BLOC1S2: variants seen among roughly 807,000 people sequenced by gnomAD.
BLOC1S2 encodes the protein biogenesis of lysosome-related organelles complex 1 subunit 2.
In BLOC1S2, 12 loss-of-function variants were observed where a neutral mutation model predicts 19.6. That is an observed-to-expected ratio of 0.61 (90% CI 0.39 to 0.99). BLOC1S2 has a LOEUF of 0.99. Among genes scored for constraint, BLOC1S2 ranks in the 50% least tolerant of loss-of-function variants. The probability of loss-of-function intolerance (pLI) is 0.00; values close to 1 mark genes in which losing one functional copy is unlikely to be tolerated. For missense variants in BLOC1S2, 142 were observed against 171.0 expected (o/e 0.83, Z 0.95); for synonymous variants, 66 against 64.1 (o/e 1.03, Z -0.14).
intron 2 of BLOC1S2, among the ~76,000 whole-genome samples, chr10:100,285,450 C>G (rs1848210819): frequency 6.6e-6 from 1 of 152,116 alleles, no homozygotes; most frequent in Non-Finnish European, 1.5e-5. Context: ...TTAGTGGAGA[C>G]AGGATTTCGC....
chr10:100,280,256 T>C, intron 3 of BLOC1S2, 28 bp from the exon 4 acceptor site: 1 of 1,543,884 alleles, frequency 6.5e-7, no homozygotes, highest in Admixed American at 1.8e-5. Flanking sequence ...AACTTCATGT[T>C]TATATGGCTT....
intron 2 of BLOC1S2, among the ~76,000 whole-genome samples, chr10:100,284,463 C>A (rs1200710421): frequency 6.6e-6 from 1 of 152,090 alleles, no homozygotes; most frequent in African/African-American, 2.4e-5. Context: ...TCACTTGAGG[C>A]CAGCTTGGGC....
chr10:100,284,870 G>A (rs1365762198), intron 2 of BLOC1S2, among the ~76,000 whole-genome samples: 9 of 151,348 alleles, frequency 5.9e-5, no homozygotes, highest in Non-Finnish European at 1.5e-5. Flanking sequence ...GAATGGAAAG[G>A]AGAGCATGGG....
chr10:100,277,020 GC>G (rs1259629352), intron 4 of BLOC1S2, among the ~76,000 whole-genome samples: 7 of 150,458 alleles, frequency 4.7e-5, no homozygotes, highest in Admixed American at 6.6e-5. Flanking sequence ...AAAGTGAGGA[GC>G]GTCTCTGCCC....
rs922645273 is a variant in BLOC1S2 at position 100,273,365 on chromosome 10, C to T, written c.*2097G>A. Reference sequence around the variant, plus strand: ...AATTATCACTTGTACTCTGAAAATACATACATCTATTACACATCAATAAAA... The same window carrying T: ...AATTATCACTTGTACTCTGAAAATATATACATCTATTACACATCAATAAAA... On this transcript the variant is annotated 3_prime_UTR_variant, in exon 5 of 5. Transcript: ENST00000370372. 1.3e-5 allele frequency: 2 copies of T among 152,098 alleles called. No homozygotes were observed. The highest frequency in any genetic ancestry group is 4.8e-5 in the African/African-American group (2 of 41,412). 9.4% of individuals were successfully genotyped at this position (152,098 alleles called of 1,614,324 possible). A position where few individuals can be genotyped will look rare whatever the true frequency, so the allele number is the denominator to read the frequency against.
intron 3 of BLOC1S2, 34 bp from the exon 4 acceptor site, chr10:100,280,262 G>C: frequency 6.6e-7 from 1 of 1,524,220 alleles, no homozygotes; most frequent in Non-Finnish European, 9.0e-7. Flanking sequence ...ATGTTTATAT[G>C]GCTTTATTAA....
At chr10:100,276,869 C>A (rs1232129903) in intron 4 of BLOC1S2, among the ~76,000 whole-genome samples, 4 of 152,172 alleles carry the variant, frequency 2.6e-5, no homozygotes, top group African/African-American at 9.7e-5. Context: ...CACCTCCCAG[C>A]CGCCTGCCTT....
chr10:100,275,868 T>C (rs1847836121), intron 4 of BLOC1S2, among the ~76,000 whole-genome samples: 1 of 152,204 alleles, frequency 6.6e-6, no homozygotes. Flanking sequence ...CCTCAGGAAG[T>C]ATAAATGTAT....
At chr10:100,279,135 C>T (rs949094215) in intron 4 of BLOC1S2, among the ~76,000 whole-genome samples, 5 of 151,998 alleles carry the variant, frequency 3.3e-5, no homozygotes, top group Non-Finnish European at 7.4e-5. Context: ...CCACTAAATT[C>T]TTTACTTTTA....
At chr10:100,285,974 A>G in intron 2 of BLOC1S2, 123 bp downstream of exon 2, 1 of 1,348,926 alleles carries the variant, frequency 7.4e-7, no homozygotes, top group Admixed American at 2.4e-5. Context: ...GGCCTCCCCC[A>G]ACTTCCAACA....
intron 4 of BLOC1S2, among the ~76,000 whole-genome samples, chr10:100,277,974 T>A (rs1589648185): frequency 1.2e-5 from 1 of 86,040 alleles, no homozygotes; most frequent in Non-Finnish European, 2.3e-5. Context: ...GAGGAGCCCC[T>A]CTGCCCGGCC....
intron 4 of BLOC1S2, among the ~76,000 whole-genome samples, chr10:100,275,766 G>C (rs569611377): frequency 2.3e-4 from 35 of 151,248 alleles, no homozygotes; most frequent in Admixed American, 1.1e-3. Flanking sequence ...CACCAGGATG[G>C]GGCACATCTG....
Position 100,286,178 on chromosome 10 carries a change from C to T in BLOC1S2, c.91G>A (p.Glu31Lys). ...AAVETAEEAKEPAEADITELC... is the reference protein window; with the variant it reads ...AAVETAEEAKKPAEADITELC... ...TCAGTGATGTCAGCTTCAGCAGGCT[C>T]CTTTGCTTCCTCAGCTGTCTCCACG... Residue 31 changes from glutamate (E) to lysine (K), a missense_variant, in exon 2 of 5, where the codon GAG becomes AAG. This residue lies in a region of BLOC1S2 where 94 missense variants were observed against 141.3 expected (regional missense o/e 0.67). Coordinates refer to ENST00000370372, the MANE Select transcript of BLOC1S2 (RefSeq NM_173809.5). The T allele has an allele frequency of 6.2e-7, 1 of 1,614,124 alleles. No homozygotes were observed. Among genetic ancestry groups the T allele is most frequent in the Non-Finnish European group, 8.5e-7 (1 of 1,179,992 alleles).
At chr10:100,277,721 C>G (rs1224506232) in intron 4 of BLOC1S2, among the ~76,000 whole-genome samples, 2 of 139,150 alleles carry the variant, frequency 1.4e-5, no homozygotes, top group South Asian at 2.3e-4. Flanking sequence ...GCTCAGCCCC[C>G]CGCCCGGCCA....
At chr10:100,284,307 A>G (rs1285463296) in intron 2 of BLOC1S2, among the ~76,000 whole-genome samples, 1 of 152,238 alleles carries the variant, frequency 6.6e-6, no homozygotes, top group Non-Finnish European at 1.5e-5. Flanking sequence ...TGTTAAAGAG[A>G]AGCCAAACAC....
rs374494450 is a variant in BLOC1S2, at chr10:100,286,664, G to C, written c.-5C>G. On this transcript the variant is annotated 5_prime_UTR_variant, in exon 1 of 5. Coordinates refer to ENST00000370372, the MANE Select transcript of BLOC1S2 (RefSeq NM_173809.5). ...GCCCTCGGCTGCCGCCGCCATAGCGGACCCCGCGCTGTTTCCGGGCCGGGG... is the reference window on the plus strand; with the variant it reads ...GCCCTCGGCTGCCGCCGCCATAGCGCACCCCGCGCTGTTTCCGGGCCGGGG... 6 of 1,609,958 alleles carry C rather than the reference G, an allele frequency of 3.7e-6. No homozygotes were observed. The highest frequency in any genetic ancestry group is 5.1e-6 in the Non-Finnish European group (6 of 1,178,144).
chr10:100,279,103 C>A (rs957975705), intron 4 of BLOC1S2, among the ~76,000 whole-genome samples: 6 of 150,086 alleles, frequency 4.0e-5, no homozygotes, highest in Non-Finnish European at 5.9e-5. Flanking sequence ...AAAAAAAAAA[C>A]AAAACAACAA....
At chr10:100,286,490 ACTC>A in intron 1 of BLOC1S2, 112 bp downstream of exon 1, 1 of 1,514,484 alleles carries the variant, frequency 6.6e-7, no homozygotes, top group Non-Finnish European at 8.9e-7. Context: ...CGACAAGTGC[ACTC>A]CTCTCACCAG....
intron 4 of BLOC1S2, 72 bp from the exon 5 acceptor site, chr10:100,275,565 C>T: frequency 7.1e-7 from 1 of 1,399,726 alleles, no homozygotes; most frequent in Admixed American, 2.0e-5. Flanking sequence ...TTAGCATTTC[C>T]AGTCAAGTTT....
Sources: allele counts gnomAD v4.1 joint callset (sites outside exome capture counted in the v4.1 genomes callset), GRCh38; gene constraint gnomAD v4.1.1; regional missense constraint gnomAD v4.1.1; transcripts MANE v1.5; gene names NCBI Gene and HGNC (gene_info 2026-07-23, HGNC 2026-07-21).